Variants in SGTB observed in about 807,000 individuals in gnomAD.
SGTB encodes the protein small glutamine rich tetratricopeptide repeat co-chaperone beta, also known as small glutamine-rich tetratricopeptide repeat-containing protein beta.
SGTB carries 19 observed loss-of-function variants against 43.9 expected under a neutral mutation model. The ratio of observed to expected loss-of-function variants is 0.43; its 90% CI spans 0.30 to 0.63. The LOEUF is 0.63. Among genes scored for constraint, SGTB ranks in the 30% least tolerant of loss-of-function variants. The probability of loss-of-function intolerance (pLI) is 0.12; values close to 1 mark genes in which losing one functional copy is unlikely to be tolerated. For synonymous variants in SGTB, 116 were observed against 117.3 expected (o/e 0.99, Z 0.07); for missense variants, 304 against 358.9 (o/e 0.85, Z 1.24).
At chr5:65,709,079 A>C (rs1007151061) in intron 3 of SGTB, among the ~76,000 whole-genome samples, 15 of 152,104 alleles carry the variant, frequency 9.9e-5, no homozygotes, top group Admixed American at 2.6e-4. Flanking sequence ...ATGTGAATCA[A>C]AGTTTTAAAA....
rs539620715 is a variant in SGTB at position 65,689,399 on chromosome 5, T to G, written c.375-3927A>C. Reference sequence around the variant, plus strand: ...ACCAAAAAAACTCTTCTAAAATGACTGGGAACAATACAAGTATAATTATTG... The same window carrying G: ...ACCAAAAAAACTCTTCTAAAATGACGGGGAACAATACAAGTATAATTATTG... On this transcript the variant is annotated intron_variant, in intron 5 of 10. Transcript: ENST00000381007. Among the ~76,000 whole-genome samples the G allele has an allele frequency of 3.3e-5, 5 of 152,298 alleles. No individual in the cohort carries two copies. The South Asian group carries it at 8.3e-4, about 25-fold the overall frequency.
intron 8 of SGTB, 61 bp from the exon 9 acceptor site, chr5:65,672,342 GAT>G (rs1757175288): frequency 2.6e-6 from 4 of 1,533,910 alleles, no homozygotes; most frequent in African/African-American, 3.8e-5. Context: ...TCTTAGCAAA[GAT>G]TTTTTTTTTA....
chr5:65,713,159 G>GTATTTA, intron 2 of SGTB, 95 bp from the exon 3 acceptor site: 1 of 846,672 alleles, frequency 1.2e-6, no homozygotes, highest in South Asian at 1.7e-5. Context: ...TGGAAATTCA[G>GTATTTA]TATTTATGAT....
At chr5:65,718,974 C>T (rs895463966) in intron 2 of SGTB, among the ~76,000 whole-genome samples, 29 of 152,180 alleles carry the variant, frequency 1.9e-4, no homozygotes, top group Admixed American at 1.8e-3. Context: ...GCAATCATAA[C>T]TAACATTCTC....
At chr5:65,704,049 A>AAAAAAAAAAT (rs1554025721) in intron 5 of SGTB, among the ~76,000 whole-genome samples, 25 of 139,682 alleles carry the variant, frequency 1.8e-4, no homozygotes, top group Middle Eastern at 3.6e-3. Flanking sequence ...AAAAAAAAAA[A>AAAAAAAAAAT]AAATAAATAA....
intron 2 of SGTB, among the ~76,000 whole-genome samples, chr5:65,714,769 C>T (rs1758118043): frequency 6.6e-6 from 1 of 152,172 alleles, no homozygotes; most frequent in African/African-American, 2.4e-5. Flanking sequence ...GAGCCGAGAT[C>T]ACCCCACTGC....
At chr5:65,708,406 A>C in intron 4 of SGTB, 83 bp downstream of exon 4, 1 of 1,207,228 alleles carries the variant, frequency 8.3e-7, no homozygotes, top group Non-Finnish European at 1.2e-6. Flanking sequence ...TGGTGGTGTA[A>C]TCAGAACTAT....
chr5:65,702,650 C>T (rs1273037439), intron 5 of SGTB, among the ~76,000 whole-genome samples: 2 of 152,210 alleles, frequency 1.3e-5, no homozygotes, highest in Admixed American at 6.5e-5. Flanking sequence ...CATAAAGGTA[C>T]TAATCCTCGC....
At chr5:65,695,981 C>A (rs942298221) in intron 5 of SGTB, among the ~76,000 whole-genome samples, 1 of 152,184 alleles carries the variant, frequency 6.6e-6, no homozygotes, top group Non-Finnish European at 1.5e-5. Context: ...AGCTCAAATC[C>A]CAGTGGACTG....
chr5:65,717,155 G>A (rs563448593), intron 2 of SGTB, among the ~76,000 whole-genome samples: 63 of 152,266 alleles, frequency 4.1e-4, no homozygotes, highest in African/African-American at 1.5e-3. Flanking sequence ...AATCACTAAT[G>A]TCCTTGATGA....
chr5:65,701,924 C>T (rs1045150611), intron 5 of SGTB, among the ~76,000 whole-genome samples: 2 of 152,192 alleles, frequency 1.3e-5, no homozygotes, highest in African/African-American at 2.4e-5. Flanking sequence ...TGGGCCACTG[C>T]GCCCGGCCTA....
chr5:65,704,299 A>G lies in SGTB; in HGVS notation c.354T>C (p.Asn118=), dbSNP rs767414890. 1.9e-6 allele frequency: 3 copies of G among 1,611,718 alleles called. No individual in the cohort carries two copies. Among genetic ancestry groups the G allele is most frequent in the Non-Finnish European group, 2.5e-6 (3 of 1,179,002 alleles). ...YTQAIELDPN[N]AVYYCNRAAA... is the part of the protein sequence containing the mutation. ...TTTACCTGTTGCAATAGTAAACTGC[A>G]TTATTGGGATCCAATTCTATTGCCT... is the stretch of plus-strand genomic sequence containing the variant. Residue 118 remains asparagine, a synonymous_variant, in exon 5 of 11, where the codon AAT becomes AAC. Transcript: ENST00000381007.
At chr5:65,714,864 A>G (rs1758120109) in intron 2 of SGTB, among the ~76,000 whole-genome samples, 1 of 152,210 alleles carries the variant, frequency 6.6e-6, no homozygotes, top group Admixed American at 6.5e-5. Flanking sequence ...CTGAAATTGC[A>G]TTTTTAAAAA....
intron 2 of SGTB, among the ~76,000 whole-genome samples, chr5:65,713,341 GA>G (rs1487573837): frequency 6.7e-6 from 1 of 150,174 alleles, no homozygotes; most frequent in Non-Finnish European, 1.5e-5. Flanking sequence ...TTTTTTTTTA[GA>G]GACAAGGTTT....
intron 10 of SGTB, among the ~76,000 whole-genome samples, chr5:65,670,841 G>A (rs1296193666): frequency 1.3e-5 from 2 of 152,108 alleles, no homozygotes; most frequent in African/African-American, 4.8e-5. Flanking sequence ...GCCATTTAAA[G>A]GTCATTCTAA....
rs958939857 is a variant in SGTB at position 65,669,409 on chromosome 5, G to A, written c.*837C>T. 3.9e-5 allele frequency: 6 copies of A among 152,140 alleles called. No individual in the cohort carries two copies. The highest frequency in any genetic ancestry group is 7.3e-5 in the Non-Finnish European group (5 of 68,028). 9.4% of individuals were successfully genotyped at this position (152,140 alleles called of 1,614,324 possible). On this transcript the variant is annotated 3_prime_UTR_variant, in exon 11 of 11. Coordinates refer to ENST00000381007, the MANE Select transcript of SGTB (RefSeq NM_019072.3). ...TAGTTTCCAAGGTAAGGTTACCATT[G>A]GGGAAATTGTGATAATTAAGTCAAA...
At chr5:65,710,720 T>C (rs1165656354) in intron 3 of SGTB, among the ~76,000 whole-genome samples, 2 of 152,120 alleles carry the variant, frequency 1.3e-5, no homozygotes, top group African/African-American at 2.4e-5. Flanking sequence ...AGACCAGGCA[T>C]GGTGGCTCAC....
intron 2 of SGTB, among the ~76,000 whole-genome samples, chr5:65,715,779 GT>G (rs1213622116): frequency 1.3e-5 from 2 of 152,006 alleles, no homozygotes; most frequent in Non-Finnish European, 2.9e-5. Context: ...TGTTGTTGTT[GT>G]TGTTTTTGAG....
At chr5:65,703,244 T>G (rs537116386) in intron 5 of SGTB, among the ~76,000 whole-genome samples, 1 of 152,290 alleles carries the variant, frequency 6.6e-6, no homozygotes, top group East Asian at 1.9e-4. Context: ...AAAATAACCC[T>G]TGCTGAGTAC....
Sources: gnomAD v4.1 joint callset for allele counts (sites outside exome capture counted in the v4.1 genomes callset) on GRCh38, gnomAD v4.1.1 for gene constraint, MANE v1.5 for transcripts, NCBI Gene and HGNC (gene_info 2026-07-23, HGNC 2026-07-21) for gene names.